Variants in PRKN observed in about 807,000 individuals in gnomAD.
PRKN encodes parkin RBR E3 ubiquitin protein ligase, also known as E3 ubiquitin-protein ligase parkin.
In PRKN, 56 loss-of-function variants were observed where a neutral mutation model predicts 59.5. That is an observed-to-expected ratio of 0.94 (90% confidence interval 0.76 to 1.18). The LOEUF (loss-of-function observed/expected upper bound fraction) is 1.18. Among genes scored for constraint, PRKN ranks in the 50% most tolerant of loss-of-function variants. The pLI, the probability that PRKN is intolerant of heterozygous loss-of-function variation, is 0.00. For synonymous variants in PRKN, 250 were observed against 222.1 expected (o/e 1.13, Z -1.12); for missense variants, 657 against 596.4 (o/e 1.10, Z -1.06).
At chr6:162,291,466 G>C (rs1781424406) in intron 2 of PRKN, among the ~76,000 whole-genome samples, 1 of 152,056 alleles carries the variant, frequency 6.6e-6, no homozygotes. Flanking sequence ...CCACCCTCTG[G>C]TGCCACGTCC....
At chr6:161,643,564 G>T (rs1783817396) in intron 7 of PRKN, among the ~76,000 whole-genome samples, 1 of 152,190 alleles carries the variant, frequency 6.6e-6, no homozygotes, top group African/African-American at 2.4e-5. Context: ...ATAGGCCAGT[G>T]AACAGATATT....
chr6:161,668,178 A>T (rs551481953), intron 7 of PRKN, among the ~76,000 whole-genome samples: 3 of 152,158 alleles, frequency 2.0e-5, no homozygotes, highest in Non-Finnish European at 2.9e-5. Context: ...AAAATGTAAC[A>T]ATATGATTCT....
At chr6:162,638,438 G>C (rs1777828441) in intron 1 of PRKN, among the ~76,000 whole-genome samples, 1 of 152,048 alleles carries the variant, frequency 6.6e-6, no homozygotes, top group Admixed American at 6.6e-5. Context: ...TACGAGACAA[G>C]AACACAAAGG....
chr6:161,798,310 G>C (rs1232258321), intron 6 of PRKN, among the ~76,000 whole-genome samples: 1 of 152,158 alleles, frequency 6.6e-6, no homozygotes, highest in African/African-American at 2.4e-5. Flanking sequence ...CCAGCACATG[G>C]GATGCAGCTG....
rs971596494 is a variant in PRKN at position 161,402,918 on chromosome 6, C to T, written c.1084-16041G>A. ...CCACGTACTCATCTTCCCCGGCTGA[C>T]ACAATTCCCTGGGAGGGGATTCACG... On this transcript the variant is annotated intron_variant, in intron 9 of 11. Transcript: ENST00000366898. This position sits in a 1 kb window ranked among gnomAD's most constrained non-coding sequence, Gnocchi z 4.5. Among the ~76,000 whole-genome samples the T allele has an allele frequency of 6.6e-6, 1 of 152,178 alleles. No homozygotes were observed. The highest frequency in any genetic ancestry group is 2.4e-5 in the African/African-American group (1 of 41,432).
intron 8 of PRKN, among the ~76,000 whole-genome samples, chr6:161,557,295 A>G (rs1248441022): frequency 1.3e-5 from 2 of 152,248 alleles, no homozygotes; most frequent in Non-Finnish European, 2.9e-5. Context: ...TAAAATTCAT[A>G]GAAGTTTCAA....
intron 5 of PRKN, among the ~76,000 whole-genome samples, chr6:161,980,787 G>A (rs1027231848): frequency 6.6e-6 from 1 of 152,150 alleles, no homozygotes; most frequent in Non-Finnish European, 1.5e-5. Flanking sequence ...AAGGTGGCTT[G>A]GGTCTGAAAG....
rs1340032861 is a variant in PRKN, at chr6:161,402,193, G to A, written c.1084-15316C>T. Among the ~76,000 whole-genome samples, 3 of 151,984 alleles carry A rather than the reference G, an allele frequency of 2.0e-5. No homozygotes were observed. Among genetic ancestry groups the A allele is most frequent in the African/African-American group, 7.3e-5 (3 of 41,350 alleles). On this transcript the variant is annotated intron_variant, in intron 9 of 11. Transcript: ENST00000366898. This position sits in a 1 kb window ranked among gnomAD's most constrained non-coding sequence, Gnocchi z 4.5. ...CATGCCTCGGGGGTCGTGAGCAGGA[G>A]GTGAAGCCAAATGCCTTCAGTGACC...
intron 1 of PRKN, among the ~76,000 whole-genome samples, chr6:162,525,621 C>A (rs1778248624): frequency 1.3e-5 from 2 of 152,142 alleles, no homozygotes; most frequent in African/African-American, 4.8e-5. Flanking sequence ...ACTGTGTGTT[C>A]TCTTCCTTCC....
Position 162,634,331 on chromosome 6 carries a change from A to T in PRKN, c.7+93331T>A, listed in dbSNP as rs1777628372. On this transcript the variant is annotated intron_variant, in intron 1 of 11. Transcript: ENST00000366898. ...CTCCTCCTCTTCCTTCCCCACCCTT[A>T]AAAAATGGAAAACCCAGGCCAGGCA... Among the ~76,000 whole-genome samples, 4 of 151,998 alleles carry T rather than the reference A, an allele frequency of 2.6e-5. No individual in the cohort carries two copies. In the South Asian group the frequency reaches 8.3e-4, roughly 32 times the overall value.
chr6:162,236,010 AAAG>A (rs1778690739), intron 3 of PRKN, among the ~76,000 whole-genome samples: 1 of 149,428 alleles, frequency 6.7e-6, no homozygotes. Context: ...AGAAAGAAAG[AAAG>A]AAAGAAAGAA....
At chr6:161,422,769 G>C (rs1053811069) in intron 9 of PRKN, among the ~76,000 whole-genome samples, 7 of 152,048 alleles carry the variant, frequency 4.6e-5, no homozygotes, top group Non-Finnish European at 1.5e-5. Flanking sequence ...GAGAGAAAAA[G>C]GAAAAAATGC....
chr6:162,618,536 A>G (rs1209674053), intron 1 of PRKN, among the ~76,000 whole-genome samples: 1 of 152,188 alleles, frequency 6.6e-6, no homozygotes, highest in South Asian at 2.1e-4. Flanking sequence ...CGTGTTCAGG[A>G]AAGTAAAGGT....
chr6:162,200,471 AC>A (rs1474008563), intron 4 of PRKN, among the ~76,000 whole-genome samples: 11 of 152,032 alleles, frequency 7.2e-5, no homozygotes, highest in African/African-American at 2.7e-4. Context: ...TCTCCATTAA[AC>A]TTTATTTATG....
chr6:162,491,508 G>A (rs139210453), intron 1 of PRKN, among the ~76,000 whole-genome samples: 182 of 152,222 alleles, frequency 1.2e-3, no homozygotes, highest in African/African-American at 4.1e-3. Flanking sequence ...CTGCAGCTGC[G>A]CCCAGACAGC....
chr6:162,306,429 C>G (rs906608072), intron 2 of PRKN, among the ~76,000 whole-genome samples: 10 of 152,182 alleles, frequency 6.6e-5, no homozygotes, highest in African/African-American at 2.4e-4. Context: ...TAAATCTTCC[C>G]TGAATGTGCA....
intron 1 of PRKN, among the ~76,000 whole-genome samples, chr6:162,556,480 G>A (rs182217725): frequency 6.6e-6 from 1 of 151,326 alleles, no homozygotes; most frequent in Admixed American, 6.6e-5. Context: ...CGGGCGCAGT[G>A]GTTCACACCT....
intron 4 of PRKN, among the ~76,000 whole-genome samples, chr6:162,160,655 G>A (rs181094713): frequency 1.3e-5 from 2 of 151,718 alleles, no homozygotes; most frequent in African/African-American, 4.8e-5. Flanking sequence ...ATGTGTGAGA[G>A]AGAAAAAAAG....
intron 5 of PRKN, among the ~76,000 whole-genome samples, chr6:162,023,420 C>A (rs181126704): frequency 6.6e-6 from 1 of 152,236 alleles, no homozygotes; most frequent in African/African-American, 2.4e-5. Context: ...GCTGATGGGG[C>A]AGCAAGAAGG....
Sources: allele counts gnomAD v4.1 joint callset (sites outside exome capture counted in the v4.1 genomes callset), GRCh38; gene constraint gnomAD v4.1.1; non-coding constraint Gnocchi (gnomAD v3.1); transcripts MANE v1.5; gene names NCBI Gene and HGNC (gene_info 2026-07-23, HGNC 2026-07-21).